The following CDIN1 variants were observed in gnomAD, a reference collection of about 807,000 sequenced individuals.
The protein encoded by CDIN1 is CDAN1 interacting nuclease 1.
A neutral mutation model predicts 45.3 loss-of-function variants in CDIN1; 33 were observed. The ratio of observed to expected loss-of-function variants is 0.73; its 90% CI spans 0.55 to 0.97. The LOEUF is 0.97. Among genes scored for constraint, CDIN1 ranks in the 50% least tolerant of loss-of-function variants. CDIN1 has a pLI of 0.00. For synonymous variants in CDIN1, 118 were observed against 124.4 expected (o/e 0.95, Z 0.34); for missense variants, 303 against 339.4 (o/e 0.89, Z 0.84).
At chr15:36,616,960 G>A in intron 1 of CDIN1, 3 of 486,756 alleles carry the variant, frequency 6.2e-6, no homozygotes, top group Non-Finnish European at 1.1e-5. Context: ...AAATAAAATT[G>A]TAAAAGTATT....
chr15:36,613,793 C>A, intron 1 of CDIN1: 1 of 1,603,014 alleles, frequency 6.2e-7, no homozygotes, highest in East Asian at 2.2e-5. Flanking sequence ...GATAGAACTC[C>A]AGGAAATCCA....
chr15:36,623,225 A>G (rs1386520494), intron 1 of CDIN1, among the ~76,000 whole-genome samples: 2 of 152,024 alleles, frequency 1.3e-5, no homozygotes, highest in Non-Finnish European at 2.9e-5. Context: ...CTGAATTTTT[A>G]TTTCTTATGT....
intron 10 of CDIN1, among the ~76,000 whole-genome samples, chr15:36,797,142 G>C (rs2054826636): frequency 6.6e-6 from 1 of 152,190 alleles, no homozygotes; most frequent in Non-Finnish European, 1.5e-5. Flanking sequence ...GCATTGTAGA[G>C]ATGGCAGTTG....
chr15:36,660,803 C>T (rs2040981877), intron 5 of CDIN1, among the ~76,000 whole-genome samples: 2 of 152,204 alleles, frequency 1.3e-5, no homozygotes, highest in Non-Finnish European at 2.9e-5. Context: ...TTGAGCTCTG[C>T]AGGGACTGAG....
intron 10 of CDIN1, among the ~76,000 whole-genome samples, chr15:36,791,681 A>C (rs12899256): frequency 6.6e-6 from 1 of 151,918 alleles, no homozygotes; most frequent in African/African-American, 2.4e-5. Flanking sequence ...GGACTCAACC[A>C]GTTCTCATAG....
At chr15:36,736,925 G>T (rs969657543) in intron 10 of CDIN1, among the ~76,000 whole-genome samples, 8 of 152,078 alleles carry the variant, frequency 5.3e-5, no homozygotes, top group Admixed American at 5.2e-4. Context: ...CCAGCACTTT[G>T]GGAGGCTGAG....
Position 36,675,816 on chromosome 15 carries a change from A to G in CDIN1, c.347-15869A>G, listed in dbSNP as rs549247721. Among the ~76,000 whole-genome samples the G allele has an allele frequency of 2.8e-4, 43 of 152,284 alleles. No individual in the cohort carries two copies. In the South Asian group the frequency reaches 6.8e-3, roughly 24 times the overall value. ...AAAATGTAAGCTTTCTTGAAAACTC[A>G]AGAGAATCTTGAAACCGCTGCAAAA... is the stretch of plus-strand genomic sequence containing the variant. On this transcript the variant is annotated intron_variant, in intron 5 of 10. Transcript: ENST00000566621.
intron 5 of CDIN1, among the ~76,000 whole-genome samples, chr15:36,675,566 G>A (rs1299305409): frequency 6.6e-6 from 1 of 152,134 alleles, no homozygotes; most frequent in African/African-American, 2.4e-5. Context: ...GCACAGCATT[G>A]TGCTGCCATT....
intron 10 of CDIN1, among the ~76,000 whole-genome samples, chr15:36,774,133 G>GGGGT (rs1555407049): frequency 0.033 from 4,637 of 138,598 alleles, 92 homozygotes; most frequent in South Asian, 0.089. Flanking sequence ...AACTGACAGG[G>GGGGT]GTGTGTGTGT....
At chr15:36,734,977 C>G (rs745794847) in intron 10 of CDIN1, among the ~76,000 whole-genome samples, 1 of 152,158 alleles carries the variant, frequency 6.6e-6, no homozygotes, top group African/African-American at 2.4e-5. Context: ...TTAGCTCACA[C>G]AGGGATGTAG....
At chr15:36,800,891 G>A (rs1227829434) in intron 10 of CDIN1, among the ~76,000 whole-genome samples, 30 of 25,790 alleles carry the variant, frequency 1.2e-3, no homozygotes, top group South Asian at 7.0e-3. Flanking sequence ...GTGTGTGTGT[G>A]TGTGTGTGTG....
rs551571440 is a variant in CDIN1 at position 36,774,284 on chromosome 15, C to T, written c.717-34040C>T. ...CCAATACTCTCCAAGGGTTAACAAA[C>T]TGGAAATTCATCTAAACAAAATAAG... On this transcript the variant is annotated intron_variant, in intron 10 of 10. Transcript: ENST00000566621. 3.3e-5 allele frequency among the ~76,000 whole-genome samples: 5 copies of T among 152,198 alleles called. No individual in the cohort carries two copies. In the South Asian group the frequency reaches 8.3e-4, roughly 25 times the overall value.
At chr15:36,613,548 A>G (rs2038747739) in intron 1 of CDIN1, 5 of 1,514,262 alleles carry the variant, frequency 3.3e-6, no homozygotes, top group Non-Finnish European at 4.5e-6. Flanking sequence ...GATGCAGAGG[A>G]GTGAGCTGAG....
chr15:36,714,509 T>C (rs766453), intron 10 of CDIN1, among the ~76,000 whole-genome samples: 94,079 of 151,980 alleles, frequency 0.62, 29,390 homozygotes, highest in East Asian at 0.69. Flanking sequence ...AGTTACATAT[T>C]AAGTTAACAG....
intron 5 of CDIN1, among the ~76,000 whole-genome samples, chr15:36,685,464 T>A (rs1476954564): frequency 1.3e-5 from 2 of 152,142 alleles, no homozygotes; most frequent in African/African-American, 2.4e-5. Context: ...ATAATTTCTG[T>A]TCTTTTACAT....
chr15:36,781,394 G>C (rs912426744), intron 10 of CDIN1, among the ~76,000 whole-genome samples: 4 of 152,202 alleles, frequency 2.6e-5, no homozygotes, highest in African/African-American at 9.7e-5. Flanking sequence ...AAGGGCCTGA[G>C]AGTCTCTGCA....
At chr15:36,802,666 G>C (rs550012535) in intron 10 of CDIN1, among the ~76,000 whole-genome samples, 2 of 152,054 alleles carry the variant, frequency 1.3e-5, no homozygotes, top group East Asian at 3.9e-4. Flanking sequence ...GGAGTATTTA[G>C]TTTTATACTT....
chr15:36,778,864 C>G (rs1278115716), intron 10 of CDIN1, among the ~76,000 whole-genome samples: 1 of 152,152 alleles, frequency 6.6e-6, no homozygotes, highest in East Asian at 1.9e-4. Flanking sequence ...GATTCCTTTT[C>G]TGCATTGCAC....
intron 10 of CDIN1, among the ~76,000 whole-genome samples, chr15:36,729,154 CTT>C (rs1176593601): frequency 2.6e-5 from 4 of 152,010 alleles, no homozygotes; most frequent in Admixed American, 2.6e-4. Flanking sequence ...ACTTTTTTCT[CTT>C]TATTTTTCTG....
Sources: gnomAD v4.1 joint callset for allele counts (sites outside exome capture counted in the v4.1 genomes callset) on GRCh38, gnomAD v4.1.1 for gene constraint, MANE v1.5 for transcripts, NCBI Gene and HGNC (gene_info 2026-07-23, HGNC 2026-07-21) for gene names.